The following BMX variants were observed in gnomAD, a reference collection of about 807,000 sequenced individuals.
BMX encodes cytoplasmic tyrosine-protein kinase BMX.
Under a neutral mutation model 59.2 loss-of-function variants are expected in BMX, and 31 were observed. The ratio of observed to expected loss-of-function variants is 0.52; its 90% CI spans 0.39 to 0.71. The LOEUF is 0.71. Ranked by LOEUF, BMX falls within the 30% of genes least tolerant of loss-of-function variation. BMX has a pLI of 0.00. For synonymous variants in BMX, 185 were observed against 181.0 expected (o/e 1.02, Z -0.18); for missense variants, 474 against 491.7 (o/e 0.96, Z 0.34).
At chrX:15,551,621 A>G (rs1236176094) in intron 18 of BMX, among the ~76,000 whole-genome samples, 1 of 110,260 alleles carries the variant, frequency 9.1e-6, no homozygotes, top group Non-Finnish European at 1.9e-5. Flanking sequence ...CACAACTTAA[A>G]TAGTTTCTAA....
At chrX:15,523,918 G>C (rs1924589553) in intron 7 of BMX, among the ~76,000 whole-genome samples, 1 of 112,135 alleles carries the variant, frequency 8.9e-6, no homozygotes, top group Non-Finnish European at 1.9e-5. Context: ...ACAAAGGATT[G>C]ATTGATCACC....
At chrX:15,540,695 A>G (rs1280719035) in intron 14 of BMX, among the ~76,000 whole-genome samples, 1 of 111,739 alleles carries the variant, frequency 8.9e-6, no homozygotes, top group Non-Finnish European at 1.9e-5. Flanking sequence ...ATTATGGACA[A>G]AAGACTAATC....
chrX:15,518,013 AT>A lies in BMX; in HGVS notation c.510+21del. The A allele has an allele frequency of 1.7e-6, 2 of 1,164,480 alleles. No homozygotes were observed. The highest frequency in any genetic ancestry group is 2.3e-6 in the Non-Finnish European group (2 of 857,453). On this transcript the variant is annotated intron_variant, in intron 6 of 18. Coordinates refer to ENST00000348343, the MANE Select transcript of BMX (RefSeq NM_203281.3). ...AGAGTGGTAAGTCAACATTTTAAAA[AT>A]GTTTTTCATGGTCAGGATATATTAA...
intron 14 of BMX, 42 bp downstream of exon 14, chrX:15,537,347 G>A: frequency 8.4e-7 from 1 of 1,190,745 alleles, no homozygotes; most frequent in Non-Finnish European, 1.1e-6. Flanking sequence ...CCTCATCATG[G>A]GAGGGCATTA....
intron 12 of BMX, among the ~76,000 whole-genome samples, chrX:15,535,741 GGAA>G (rs1401728800): frequency 4.7e-5 from 4 of 84,845 alleles, no homozygotes; most frequent in Non-Finnish European, 9.4e-5. Context: ...TATAGAAAAA[GGAA>G]GGAGGGGAAA....
chrX:15,532,535 G>C (rs1925132831), intron 11 of BMX, among the ~76,000 whole-genome samples: 1 of 111,584 alleles, frequency 9.0e-6, no homozygotes, highest in South Asian at 3.8e-4. Flanking sequence ...TTTGGAATGA[G>C]AATCTGGTCA....
At chrX:15,509,184 G>C (rs1241112256) in intron 2 of BMX, 145 bp from the exon 3 acceptor site, 7 of 316,689 alleles carry the variant, frequency 2.2e-5, no homozygotes, top group Non-Finnish European at 4.1e-5. Context: ...ATTGGATTTT[G>C]ACTATTACGG....
chrX:15,533,633 G>A (rs1925190183), intron 11 of BMX, among the ~76,000 whole-genome samples: 2 of 111,829 alleles, frequency 1.8e-5, no homozygotes, highest in Admixed American at 9.5e-5. Context: ...TTAAATCAAC[G>A]TGCATCAATT....
chrX:15,512,327 G>A (rs1201697627), intron 4 of BMX, among the ~76,000 whole-genome samples: 1 of 110,963 alleles, frequency 9.0e-6, no homozygotes, highest in Non-Finnish European at 1.9e-5. Context: ...GAAATTTCAG[G>A]TATTATGCTC....
Position 15,556,210 on chromosome X carries a change from T to C in BMX, c.*63T>C, listed in dbSNP as rs1601677727. The C allele has an allele frequency of 7.9e-6, 8 of 1,018,292 alleles. No homozygotes were observed. The East Asian group carries it at 2.6e-4, about 32-fold the overall frequency. The allele number at this position is 1,018,292 out of a possible 1,213,427, so 83.9% of individuals were successfully genotyped here. On this transcript the variant is annotated 3_prime_UTR_variant, in exon 19 of 19. Transcript: ENST00000348343. ...TGCTGGCCAGCATTTTCATTCATTT[T>C]AAGGAAAGTAGCAAGGCATAATGTA... is the stretch of plus-strand genomic sequence containing the variant.
intron 4 of BMX, among the ~76,000 whole-genome samples, chrX:15,515,087 T>TG (rs59834250): frequency 0.093 from 10,139 of 108,807 alleles, 1,158 homozygotes; most frequent in African/African-American, 0.32. Context: ...CACTGATAAG[T>TG]GACAGTTGAA....
intron 14 of BMX, 44 bp downstream of exon 14, chrX:15,537,349 A>T: frequency 8.4e-7 from 1 of 1,196,183 alleles, no homozygotes; most frequent in African/African-American, 1.7e-5. Context: ...TCATCATGGG[A>T]GGGCATTAGC....
chrX:15,503,236 T>G (rs1210831933), intron 1 of BMX, among the ~76,000 whole-genome samples: 1 of 111,934 alleles, frequency 8.9e-6, no homozygotes, highest in African/African-American at 3.3e-5. Context: ...TATTCCAACT[T>G]TTGAGGTTGT....
intron 14 of BMX, among the ~76,000 whole-genome samples, chrX:15,537,662 C>T (rs746019043): frequency 9.0e-5 from 10 of 111,225 alleles, no homozygotes; most frequent in Non-Finnish European, 7.6e-5. Flanking sequence ...TAGTTATGTA[C>T]AGACACAGCA....
At chrX:15,551,559 A>G (rs984046262) in intron 18 of BMX, among the ~76,000 whole-genome samples, 1 of 107,459 alleles carries the variant, frequency 9.3e-6, no homozygotes, top group African/African-American at 3.4e-5. Flanking sequence ...TTTTTTTTAC[A>G]AAGCATCTAT....
intron 1 of BMX, among the ~76,000 whole-genome samples, chrX:15,503,464 C>G (rs868169379): frequency 2.7e-5 from 3 of 112,248 alleles, no homozygotes; most frequent in Non-Finnish European, 3.8e-5. Context: ...ACACAGATAT[C>G]TCCTACTCTG....
Position 15,525,338 on chromosome X carries a change from T to G in BMX, c.803T>G (p.Val268Gly). Residue 268 changes from valine to glycine, a missense_variant, in exon 8 of 19, where the codon GTG becomes GGG. Physicochemically the swap from Val to Gly is moderately radical, Grantham distance 109. Coordinates refer to ENST00000348343, the MANE Select transcript of BMX (RefSeq NM_203281.3). ...VASSNQKERN[V>G]NHTTSKISWE... The stretch of plus-strand genomic sequence containing the variant: ...AGCAGTAACCAAAAAGAAAGAAATG[T>G]GAATCACACCACCTCAAAGATTTCA... 8.3e-7 allele frequency: 1 copy of G among 1,209,423 alleles called. No homozygotes were observed. Among genetic ancestry groups the G allele is most frequent in the Non-Finnish European group, 1.1e-6 (1 of 893,583 alleles).
Position 15,518,592 on chromosome X carries a change from A to G in BMX, c.510+599A>G, listed in dbSNP as rs142660243. On this transcript the variant is annotated intron_variant, in intron 6 of 18. Transcript: ENST00000348343. ...CCTCTGAATTGTTCCATCCAATGTTATTATCACATGACTGCAAACATCATT... is the reference window on the plus strand; with the variant it reads ...CCTCTGAATTGTTCCATCCAATGTTGTTATCACATGACTGCAAACATCATT... Among the ~76,000 whole-genome samples, 599 of 111,592 alleles carry G rather than the reference A, an allele frequency of 5.4e-3. 8 individuals are homozygous for G. Among genetic ancestry groups the G allele is most frequent in the East Asian group, 0.052 (182 of 3,517 alleles).
In BMX at chrX:15,516,073, G is replaced by A. The variant is rs772370155; in HGVS notation, c.326-39G>A. On this transcript the variant is annotated intron_variant, in intron 4 of 18. Transcript: ENST00000348343. ...TGAATGTTTCTCCTCTTGGATCAAC[G>A]TTTGCTAACGTCTTGTTTTCTTCCT... is the stretch of plus-strand genomic sequence containing the variant. 30 of 1,197,122 alleles carry A rather than the reference G, an allele frequency of 2.5e-5. No individual in the cohort carries two copies. The Middle Eastern group carries it at 7.0e-4, about 28-fold the overall frequency.
Sources: gnomAD v4.1 joint callset for allele counts (sites outside exome capture counted in the v4.1 genomes callset) on GRCh38, gnomAD v4.1.1 for gene constraint, MANE v1.5 for transcripts, NCBI Gene and HGNC (gene_info 2026-07-23, HGNC 2026-07-21) for gene names.